The following ABL1 variants were observed in gnomAD, a reference collection of about 807,000 sequenced individuals.
ABL1 encodes the protein ABL proto-oncogene 1, non-receptor tyrosine kinase.
In ABL1, 11 loss-of-function variants were observed where a neutral mutation model predicts 94.7. The ratio of observed to expected loss-of-function variants is 0.12; its 90% CI spans 0.07 to 0.19. The LOEUF (loss-of-function observed/expected upper bound fraction) is 0.19. ABL1 is among the 10% of genes least tolerant of loss of function. The pLI is 1.00. For missense variants in ABL1, 1,082 were observed against 1,489.4 expected (o/e 0.73, Z 4.50); for synonymous variants, 656 against 622.4 (o/e 1.05, Z -0.80).
At chr9:130,760,687 G>A (rs1450599728) in intron 1 of ABL1, among the ~76,000 whole-genome samples, 1 of 149,178 alleles carries the variant, frequency 6.7e-6, no homozygotes, top group African/African-American at 2.5e-5. Flanking sequence ...TTTTTGAAAT[G>A]GAGTCTCGCT....
chr9:130,817,253 G>T (rs572596501), intron 1 of ABL1, among the ~76,000 whole-genome samples: 1 of 152,122 alleles, frequency 6.6e-6, no homozygotes, highest in Non-Finnish European at 1.5e-5. Context: ...TCAAAGACCT[G>T]TGCTAACATT....
At chr9:130,713,462 C>T (rs1019331670) in exon 1 of ABL1, among the ~76,000 whole-genome samples, 2 of 147,442 alleles carry the variant, frequency 1.4e-5, no homozygotes, top group African/African-American at 5.0e-5. Context: ...GCTGCCCGTG[C>T]CGCGCCCCGA....
chr9:130,794,052 T>C (rs1829943034), intron 1 of ABL1, among the ~76,000 whole-genome samples: 1 of 152,078 alleles, frequency 6.6e-6, no homozygotes, highest in Non-Finnish European at 1.5e-5. Context: ...GGTTGTATAA[T>C]TATTATATAT....
chr9:130,760,717 C>T (rs1270409117), intron 1 of ABL1, among the ~76,000 whole-genome samples: 2 of 150,860 alleles, frequency 1.3e-5, no homozygotes, highest in African/African-American at 2.4e-5. Flanking sequence ...GGCTGGAGTG[C>T]AGTGGCGCGA....
At chr9:130,789,832 T>C (rs1829880936) in intron 1 of ABL1, among the ~76,000 whole-genome samples, 2 of 152,200 alleles carry the variant, frequency 1.3e-5, no homozygotes, top group Admixed American at 1.3e-4. Context: ...AAACCAGAAT[T>C]AGTGAACTAG....
chr9:130,791,355 C>CA (rs1564290855), intron 1 of ABL1, among the ~76,000 whole-genome samples: 1 of 152,076 alleles, frequency 6.6e-6, no homozygotes, highest in Admixed American at 6.5e-5. Context: ...TAAATAAAAA[C>CA]AAAAAGAATT....
rs868578800 is a variant in ABL1, at chr9:130,814,611, C to T, written c.137-39453C>T. ...AGTAACCATCTGCCGGGCGCAGTGG[C>T]TTACGCCTGTAATCCCAGCACTTTG... On this transcript the variant is annotated intron_variant, in intron 1 of 10. Transcript: ENST00000372348. The surrounding 1 kb of genome is among the most constrained non-coding windows in gnomAD (Gnocchi z 4.4). 1.8e-4 allele frequency among the ~76,000 whole-genome samples: 28 copies of T among 152,246 alleles called. No homozygotes were observed. The highest frequency in any genetic ancestry group is 3.9e-4 in the African/African-American group (16 of 41,476).
chr9:130,858,622 C>T (rs906813405), intron 3 of ABL1, among the ~76,000 whole-genome samples: 2 of 152,144 alleles, frequency 1.3e-5, no homozygotes, highest in Non-Finnish European at 2.9e-5. Context: ...TTAGAGGGAG[C>T]TCCCACAGCT....
chr9:130,880,327 C>T lies in ABL1; in HGVS notation c.1513+170C>T, dbSNP rs1404384638. ...ATTGTGCTTTCTTGTCTGCTGCAGCCCTGCAGAGTTCTAAGAAATGCTAAG... is the reference window on the plus strand; with the variant it reads ...ATTGTGCTTTCTTGTCTGCTGCAGCTCTGCAGAGTTCTAAGAAATGCTAAG... On this transcript the variant is annotated intron_variant, in intron 9 of 10. Coordinates refer to ENST00000318560, the MANE Select transcript of ABL1 (RefSeq NM_005157.6). This position sits in a 1 kb window ranked among gnomAD's most constrained non-coding sequence, Gnocchi z 4.4. Among the ~76,000 whole-genome samples, 1 of 152,122 alleles carries T rather than the reference C, an allele frequency of 6.6e-6. No individual in the cohort carries two copies. Among genetic ancestry groups the T allele is most frequent in the Non-Finnish European group, 1.5e-5 (1 of 68,010 alleles).
intron 1 of ABL1, among the ~76,000 whole-genome samples, chr9:130,764,276 G>A (rs1484610350): frequency 1.3e-5 from 2 of 152,210 alleles, no homozygotes; most frequent in Non-Finnish European, 2.9e-5. Flanking sequence ...CGAGTTTTCT[G>A]GAGTGCGTTT....
Position 130,884,580 on chromosome 9 carries a change from C to A in ABL1, c.2290C>A (p.Arg764=), listed in dbSNP as rs773883545. Residue 764 remains arginine (R), a synonymous_variant, in exon 11 of 11, where the codon CGG becomes AGG. Coordinates refer to ENST00000318560, the MANE Select transcript of ABL1 (RefSeq NM_005157.6). This position sits in a 1 kb window ranked among gnomAD's most constrained non-coding sequence, Gnocchi z 5.6. ...GHKSEKPALP[R]KRAGENRSDQ... ...CAAAAGTGAGAAGCCGGCTCTGCCT[C>A]GGAAGAGGGCAGGGGAGAACAGGTC... 2 of 1,613,306 alleles carry A rather than the reference C, an allele frequency of 1.2e-6. No homozygotes were observed. Among genetic ancestry groups the A allele is most frequent in the Non-Finnish European group, 1.7e-6 (2 of 1,180,022 alleles).
At chr9:130,748,863 C>T (rs762937898) in intron 1 of ABL1, among the ~76,000 whole-genome samples, 41 of 152,198 alleles carry the variant, frequency 2.7e-4, no homozygotes, top group Non-Finnish European at 5.0e-4. Flanking sequence ...AGGCGTGAGC[C>T]ACTGCGCTTG....
chr9:130,849,364 C>T (rs1013941277), intron 1 of ABL1, among the ~76,000 whole-genome samples: 11 of 152,190 alleles, frequency 7.2e-5, no homozygotes, highest in African/African-American at 2.7e-4. Flanking sequence ...TCAATTTATA[C>T]ACCTACTACT....
At position 130,862,654 on chromosome 9, in the gene ABL1, A is replaced by T. The variant is rs895836567; in HGVS notation, c.550-109A>T. ...CTCTGTCCTGTGTGGAGAGCTCCTT[A>T]TGTGAGATTTTGCTGTGTAGTGAAT... On this transcript the variant is annotated intron_variant, in intron 3 of 10. Transcript: ENST00000318560. The surrounding 1 kb of genome is among the most constrained non-coding windows in gnomAD (Gnocchi z 5.5). The T allele has an allele frequency of 8.1e-7, 1 of 1,228,446 alleles. No individual in the cohort carries two copies. Among genetic ancestry groups the T allele is most frequent in the Non-Finnish European group, 1.1e-6 (1 of 885,694 alleles). 76.1% of individuals were successfully genotyped at this position (1,228,446 alleles called of 1,614,324 possible).
chr9:130,764,922 C>G (rs2132756454), intron 1 of ABL1, among the ~76,000 whole-genome samples: 1 of 150,772 alleles, frequency 6.6e-6, no homozygotes, highest in African/African-American at 2.4e-5. Flanking sequence ...TGCCACTGTA[C>G]TCCAGTCTGG....
At chr9:130,756,758 CTG>C (rs1588226453) in intron 1 of ABL1, among the ~76,000 whole-genome samples, 2 of 152,182 alleles carry the variant, frequency 1.3e-5, no homozygotes, top group Admixed American at 6.5e-5. Context: ...CCTTGGTTGA[CTG>C]TGTTCTAATA....
chr9:130,795,434 G>A (rs115598852), intron 1 of ABL1, among the ~76,000 whole-genome samples: 2 of 152,216 alleles, frequency 1.3e-5, no homozygotes, highest in African/African-American at 4.8e-5. Context: ...ATATGTGCTC[G>A]CACGACAGAT....
rs1347443055 is a variant in ABL1, at chr9:130,814,907, T to C, written c.137-39157T>C. Among the ~76,000 whole-genome samples the C allele has an allele frequency of 6.6e-6, 1 of 151,500 alleles. No homozygotes were observed. Among genetic ancestry groups the C allele is most frequent in the African/African-American group, 2.4e-5 (1 of 41,220 alleles). ...AATAAAATAAAATAAAAATAAAGTT[T>C]AGTAAAATAAAAAAAATCAGTAAAA... On this transcript the variant is annotated intron_variant, in intron 1 of 10. Transcript: ENST00000372348. The surrounding 1 kb of genome is among the most constrained non-coding windows in gnomAD (Gnocchi z 4.4).
In ABL1 at chr9:130,887,279, T is replaced by C. The variant is rs775777263; in HGVS notation, c.*1596T>C. The C allele has an allele frequency of 9.0e-5, 21 of 233,158 alleles. No individual in the cohort carries two copies. The highest frequency in any genetic ancestry group is 1.5e-4 in the Non-Finnish European group (18 of 118,042). 14.4% of individuals were successfully genotyped at this position (233,158 alleles called of 1,614,324 possible). Reference sequence around the variant, plus strand: ...AAATGGTTTCCTCTGGATCGTTTTATGCGGTTCTTACAGCACATCACCTCT... The same window carrying C: ...AAATGGTTTCCTCTGGATCGTTTTACGCGGTTCTTACAGCACATCACCTCT... On this transcript the variant is annotated 3_prime_UTR_variant, in exon 11 of 11. Coordinates refer to ENST00000318560, the MANE Select transcript of ABL1 (RefSeq NM_005157.6).
Sources: gnomAD v4.1 joint callset for allele counts (sites outside exome capture counted in the v4.1 genomes callset) on GRCh38, gnomAD v4.1.1 for gene constraint, Gnocchi (gnomAD v3.1) non-coding constraint, MANE v1.5 for transcripts, NCBI Gene and HGNC (gene_info 2026-07-23, HGNC 2026-07-21) for gene names.